HCN1: variants seen among roughly 807,000 people sequenced by gnomAD.
HCN1 encodes the protein potassium/sodium hyperpolarization-activated cyclic nucleotide-gated channel 1.
Under a neutral mutation model 78.9 loss-of-function variants are expected in HCN1, and 13 were observed. That is an observed-to-expected ratio of 0.16 (90% confidence interval 0.11 to 0.26). The LOEUF is 0.26. Ranked by LOEUF, HCN1 falls within the 10% of genes least tolerant of loss-of-function variation. HCN1 has a pLI of 1.00. For missense variants in HCN1, 810 were observed against 1,154.3 expected, an observed-to-expected ratio of 0.70 and a Z score of 4.32; for synonymous variants, 552 against 455.5, an observed-to-expected ratio of 1.21 and a Z score of -2.70.
At chr5:45,548,966 A>G (rs1743294930) in intron 2 of HCN1, among the ~76,000 whole-genome samples, 1 of 151,504 alleles carries the variant, frequency 6.6e-6, no homozygotes. Flanking sequence ...TTCAAGGAGA[A>G]CTACAAACCA....
chr5:45,355,259 C>T (rs1746986398), intron 4 of HCN1, among the ~76,000 whole-genome samples: 1 of 151,936 alleles, frequency 6.6e-6, no homozygotes, highest in African/African-American at 2.4e-5. Flanking sequence ...CTATTTTAAG[C>T]ATTCATTGAC....
chr5:45,596,194 A>T (rs1744492133), intron 2 of HCN1, among the ~76,000 whole-genome samples: 1 of 152,034 alleles, frequency 6.6e-6, no homozygotes, highest in Admixed American at 6.6e-5. Context: ...CACCACGCCC[A>T]GCCCGGACTT....
chr5:45,377,126 G>A (rs564317764), intron 4 of HCN1, among the ~76,000 whole-genome samples: 1 of 152,050 alleles, frequency 6.6e-6, no homozygotes, highest in African/African-American at 2.4e-5. Flanking sequence ...AAAAATAGAA[G>A]CCTTGAAATT....
In HCN1 at chr5:45,695,925, C is replaced by G; in HGVS notation, c.169G>C (p.Val57Leu). ...CCACCGCCGTCCACCTTGAAGCACA[C>G]GGAGTTGCCGTGCTCCTTCGCGCCG... ...GAGAKEHGNS[V>L]CFKVDGGGGG... The change falls in exon 1 of 8, where the codon GTG becomes CTG. Residue 57 changes from valine (V) to leucine (L), a missense_variant. By Grantham distance (32) the Val-to-Leu change is conservative. Transcript: ENST00000303230. 2.1e-6 allele frequency: 3 copies of G among 1,462,426 alleles called. No homozygotes were observed. Among genetic ancestry groups the G allele is most frequent in the Non-Finnish European group, 2.7e-6 (3 of 1,117,408 alleles). 90.6% of individuals were successfully genotyped at this position (1,462,426 alleles called of 1,614,324 possible). A position where few individuals can be genotyped will look rare whatever the true frequency, so the allele number is the denominator to read the frequency against.
intron 2 of HCN1, among the ~76,000 whole-genome samples, chr5:45,478,389 CTAAACT>C (rs2111668288): frequency 6.6e-6 from 1 of 152,228 alleles, no homozygotes; most frequent in South Asian, 2.1e-4. Flanking sequence ...TTAGCAGATG[CTAAACT>C]TTATGACCAC....
At chr5:45,584,426 T>C (rs1005242453) in intron 2 of HCN1, among the ~76,000 whole-genome samples, 3 of 152,208 alleles carry the variant, frequency 2.0e-5, no homozygotes, top group African/African-American at 7.2e-5. Flanking sequence ...CAAGTTTCTC[T>C]GCACGTGAGA....
chr5:45,616,053 T>C (rs1744942809), intron 2 of HCN1, among the ~76,000 whole-genome samples: 1 of 151,208 alleles, frequency 6.6e-6, no homozygotes, highest in South Asian at 2.1e-4. Flanking sequence ...AGGTATTTGG[T>C]ATATAACAAT....
rs201368368 is a variant in HCN1 at position 45,262,039 on chromosome 5, G to A, written c.2555C>T (p.Pro852Leu). 7 of 1,613,786 alleles carry A rather than the reference G, an allele frequency of 4.3e-6. No individual in the cohort carries two copies. In the East Asian group the frequency reaches 1.1e-4, roughly 26 times the overall value. Residue 852 changes from proline to leucine, a missense_variant, in exon 8 of 8, where the codon CCG becomes CTG. Coordinates refer to ENST00000303230, the MANE Select transcript of HCN1 (RefSeq NM_021072.4). The stretch of plus-strand genomic sequence containing the variant: ...GGGTGCTGGAGGGACTCCTCGGTTC[G>A]GGGGGATGGCTCCCGACGACATCTG... Reference protein sequence around the residue: ...FRQMSSGAIPPNRGVPPAPPP... With the variant: ...FRQMSSGAIPLNRGVPPAPPP...
At chr5:45,356,248 A>C (rs1747005135) in intron 4 of HCN1, among the ~76,000 whole-genome samples, 2 of 152,026 alleles carry the variant, frequency 1.3e-5, no homozygotes, top group Non-Finnish European at 2.9e-5. Flanking sequence ...TTGAAAAGCA[A>C]GGATGCCAAT....
chr5:45,316,508 C>T (rs1745996260), intron 5 of HCN1, among the ~76,000 whole-genome samples: 1 of 152,122 alleles, frequency 6.6e-6, no homozygotes, highest in Non-Finnish European at 1.5e-5. Context: ...TGGCACAAGA[C>T]AGGGATGCCC....
intron 5 of HCN1, among the ~76,000 whole-genome samples, chr5:45,349,200 G>T (rs944974237): frequency 3.4e-4 from 51 of 152,118 alleles, no homozygotes; most frequent in Non-Finnish European, 6.5e-4. Flanking sequence ...AATCAAACTA[G>T]AACTCAGGAT....
chr5:45,362,440 G>A (rs762418746), intron 4 of HCN1, among the ~76,000 whole-genome samples: 1 of 151,968 alleles, frequency 6.6e-6, no homozygotes, highest in Admixed American at 6.6e-5. Flanking sequence ...CATTTAAAGA[G>A]AAATCTATTT....
chr5:45,398,632 T>C (rs1739732949), intron 3 of HCN1, among the ~76,000 whole-genome samples: 1 of 152,178 alleles, frequency 6.6e-6, no homozygotes, highest in Non-Finnish European at 1.5e-5. Flanking sequence ...TCCTGTAACT[T>C]GTCAAGGCCG....
intron 6 of HCN1, among the ~76,000 whole-genome samples, chr5:45,296,081 C>A (rs1005937837): frequency 2.6e-5 from 4 of 151,964 alleles, no homozygotes; most frequent in Admixed American, 2.0e-4. Flanking sequence ...CACCCCATGT[C>A]ATCATAGTGA....
chr5:45,327,593 A>G (rs1746260500), intron 5 of HCN1, among the ~76,000 whole-genome samples: 1 of 151,638 alleles, frequency 6.6e-6, no homozygotes, highest in South Asian at 2.1e-4. Context: ...TACATGTGTT[A>G]GCATTTGTTA....
chr5:45,468,409 C>T (rs564474083), intron 2 of HCN1, among the ~76,000 whole-genome samples: 1 of 151,956 alleles, frequency 6.6e-6, no homozygotes, highest in Non-Finnish European at 1.5e-5. Context: ...TAAACATATA[C>T]ATGTTTGCAT....
intron 5 of HCN1, among the ~76,000 whole-genome samples, chr5:45,330,030 C>T (rs993532026): frequency 9.3e-5 from 14 of 151,064 alleles, no homozygotes; most frequent in East Asian, 1.9e-4. Context: ...TTTAGGTTTA[C>T]GAAAAAAATG....
intron 6 of HCN1, among the ~76,000 whole-genome samples, chr5:45,284,712 G>A (rs1745233437): frequency 6.6e-6 from 1 of 152,066 alleles, no homozygotes; most frequent in Non-Finnish European, 1.5e-5. Context: ...ATATTTAATT[G>A]TTGTGTAAAT....
intron 3 of HCN1, among the ~76,000 whole-genome samples, chr5:45,400,602 A>G (rs1337127439): frequency 3.3e-5 from 5 of 151,710 alleles, no homozygotes; most frequent in African/African-American, 1.2e-4. Flanking sequence ...TGTTGGTCGT[A>G]CTGGTCTCGA....
Sources: gnomAD v4.1 joint callset for allele counts (sites outside exome capture counted in the v4.1 genomes callset) on GRCh38, gnomAD v4.1.1 for gene constraint, MANE v1.5 for transcripts, NCBI Gene and HGNC (gene_info 2026-07-23, HGNC 2026-07-21) for gene names.